Variants in VIL1 observed in about 807,000 individuals in gnomAD.
The protein encoded by VIL1 is villin 1, also known as villin-1.
VIL1 carries 86 observed loss-of-function variants against 104.0 expected under a neutral mutation model. That is an observed-to-expected ratio of 0.83 (90% confidence interval 0.69 to 0.99). The LOEUF (loss-of-function observed/expected upper bound fraction) is 0.99. Among genes scored for constraint, VIL1 ranks in the 50% least tolerant of loss-of-function variants. The pLI, the probability that VIL1 is intolerant of heterozygous loss-of-function variation, is 0.00. For missense variants in VIL1, 944 were observed against 1,054.1 expected (o/e 0.90, Z 1.45); for synonymous variants, 394 against 412.6 (o/e 0.95, Z 0.55).
chr2:218,435,974 G>A (rs1316813190), intron 15 of VIL1, among the ~76,000 whole-genome samples: 1 of 152,066 alleles, frequency 6.6e-6, no homozygotes, highest in African/African-American at 2.4e-5. Context: ...GCGTAGCTGA[G>A]ATTACAGGCG....
intron 4 of VIL1, among the ~76,000 whole-genome samples, chr2:218,426,445 G>T (rs915357405): frequency 6.6e-6 from 1 of 151,754 alleles, no homozygotes; most frequent in Non-Finnish European, 1.5e-5. Flanking sequence ...AGTAGAGACA[G>T]GGTTTCACCA....
At chr2:218,431,763 G>T in intron 10 of VIL1, 94 bp from the exon 11 acceptor site, 3 of 1,044,344 alleles carry the variant, frequency 2.9e-6, no homozygotes, top group East Asian at 2.6e-5. Flanking sequence ...ATCTGAAAAT[G>T]AGTCTAAGAA....
At chr2:218,434,835 T>C (rs2106394207) in intron 14 of VIL1, 130 bp downstream of exon 14, 1 of 967,888 alleles carries the variant, frequency 1.0e-6, no homozygotes, top group East Asian at 2.7e-5. Context: ...CTCAGCCGCC[T>C]CTGGAGCCCA....
chr2:218,430,637 CTGGTT>C, intron 9 of VIL1, 83 bp from the exon 10 acceptor site: 1 of 1,476,336 alleles, frequency 6.8e-7, no homozygotes, highest in Admixed American at 2.4e-5. Flanking sequence ...GATGGTGGAT[CTGGTT>C]AGGTTAGAGC....
At chr2:218,429,187 G>A in intron 6 of VIL1, 98 bp from the exon 7 acceptor site, 1 of 1,384,492 alleles carries the variant, frequency 7.2e-7, no homozygotes, top group Non-Finnish European at 9.9e-7. Flanking sequence ...CCCTGTGGCT[G>A]CTGTAGGTGG....
At position 218,424,284 on chromosome 2, in the gene VIL1, A is replaced by G; in HGVS notation, c.83A>G (p.Gln28Arg). Reference protein sequence around the residue: ...GLQIWRIEAMQMVPVPSSTFG... With the variant: ...GLQIWRIEAMRMVPVPSSTFG... ...CCCTCTTTCTCTCCTTAGGCCATGC[A>G]GATGGTGCCTGTTCCTTCCAGCACC... Residue 28 changes from glutamine (Q) to arginine (R), a missense_variant, in exon 3 of 20, where the codon CAG becomes CGG. Coordinates refer to ENST00000248444, the MANE Select transcript of VIL1 (RefSeq NM_007127.3). The G allele has an allele frequency of 6.2e-7, 1 of 1,613,984 alleles. No homozygotes were observed. The highest frequency in any genetic ancestry group is 1.1e-5 in the South Asian group (1 of 91,082).
Position 218,429,278 on chromosome 2 carries a change from C to T in VIL1, c.568-7C>T. ...CTCCCGATGGGTCACCAGGGGCCTT[C>T]CTGCAGGGCATGACTCTGGCCAAGG... On this transcript the variant is annotated splice_region_variant and splice_polypyrimidine_tract_variant and intron_variant, in intron 6 of 19. Coordinates refer to ENST00000248444, the MANE Select transcript of VIL1 (RefSeq NM_007127.3). The T allele has an allele frequency of 6.2e-7, 1 of 1,608,088 alleles. No homozygotes were observed. Among genetic ancestry groups the T allele is most frequent in the Non-Finnish European group, 8.5e-7 (1 of 1,176,150 alleles).
chr2:218,425,738 C>A lies in VIL1; in HGVS notation c.274C>A (p.Arg92=), dbSNP rs201270409. 6.2e-7 allele frequency: 1 copy of A among 1,614,140 alleles called. No individual in the cohort carries two copies. The highest frequency in any genetic ancestry group is 1.3e-5 in the African/African-American group (1 of 75,040). ...ACAGATGGATGACTTCCTGAAGGGC[C>A]GGGCTGTGCAGCACCGCGAGGTCCA... is the stretch of plus-strand genomic sequence containing the variant. ...TTQMDDFLKG[R]AVQHREVQGN... is the part of the protein sequence containing the mutation. The change falls in exon 4 of 20, where the codon CGG becomes AGG. Residue 92 remains arginine (R), a synonymous_variant. Transcript: ENST00000248444.
chr2:218,426,369 C>T (rs1002639352), intron 4 of VIL1, among the ~76,000 whole-genome samples: 1 of 152,112 alleles, frequency 6.6e-6, no homozygotes, highest in Non-Finnish European at 1.5e-5. Context: ...ATTCTCATGC[C>T]TCAGCCTCCC....
chr2:218,440,694 TA>T (rs1359177552), intron 18 of VIL1, 27 bp from the exon 19 acceptor site: 1 of 1,613,214 alleles, frequency 6.2e-7, no homozygotes, highest in Admixed American at 1.7e-5. Flanking sequence ...CCAGCTAAAG[TA>T]ACCAGTGGTT....
At position 218,428,089 on chromosome 2, in the gene VIL1, T is replaced by C. The variant is rs1477669441; in HGVS notation, c.456+16T>C. On this transcript the variant is annotated intron_variant, in intron 5 of 19. Transcript: ENST00000248444. ...AGCTGGAGAGGTAGGCAGGCCCCAC[T>C]GGAGCATCGGCCAGGGCTGTGAGGC... The C allele has an allele frequency of 1.9e-6, 3 of 1,613,102 alleles. No homozygotes were observed. The Admixed American group carries it at 5.0e-5, about 27-fold the overall frequency.
rs774846980 is a variant in VIL1 at position 218,429,332 on chromosome 2, C to T, written c.615C>T (p.Arg205=). 4.1e-5 allele frequency: 66 copies of T among 1,613,972 alleles called. No individual in the cohort carries two copies. The highest frequency in any genetic ancestry group is 5.3e-5 in the Non-Finnish European group (63 of 1,180,034). The change falls in exon 7 of 20, where the codon CGC becomes CGT. Residue 205 remains arginine, a synonymous_variant. Transcript: ENST00000248444. The part of the protein sequence containing the change: ...KEIRDQERGG[R]TYVGVVDGEN... ...TCCGAGACCAGGAGCGGGGAGGGCG[C>T]ACCTATGTAGGCGTGGTGGACGGAG... is the stretch of plus-strand genomic sequence containing the variant.
chr2:218,427,297 G>T (rs374927515), intron 4 of VIL1, among the ~76,000 whole-genome samples: 1 of 150,954 alleles, frequency 6.6e-6, no homozygotes, highest in East Asian at 2.0e-4. Flanking sequence ...CTGTCCTCAG[G>T]ATTCTGTCCC....
intron 19 of VIL1, among the ~76,000 whole-genome samples, chr2:218,447,827 A>G (rs376453470): frequency 9.9e-5 from 15 of 152,122 alleles, no homozygotes; most frequent in Middle Eastern, 3.4e-3. Flanking sequence ...TCCTGGGTTC[A>G]AGCAATTCTC....
intron 19 of VIL1, among the ~76,000 whole-genome samples, chr2:218,441,495 G>A (rs1272707970): frequency 6.6e-6 from 1 of 152,148 alleles, no homozygotes; most frequent in Non-Finnish European, 1.5e-5. Context: ...TCTGGAGAAG[G>A]GACAGCTAAC....
At position 218,432,863 on chromosome 2, in the gene VIL1, A is replaced by G. The variant is rs1689123890; in HGVS notation, c.1412A>G (p.Asn471Ser). ...GCCGTCATCCTGGACCAGAAGTACA[A>G]TGGTGAACCAGTCCAGATCCGGGTC... ...YQAVILDQKY[N>S]GEPVQIRVPM... Residue 471 changes from asparagine to serine, a missense_variant, in exon 13 of 20, where the codon AAT becomes AGT. Transcript: ENST00000248444. 1.2e-6 allele frequency: 2 copies of G among 1,614,112 alleles called. No individual in the cohort carries two copies. Among genetic ancestry groups the G allele is most frequent in the African/African-American group, 1.3e-5 (1 of 74,938 alleles).
intron 19 of VIL1, among the ~76,000 whole-genome samples, chr2:218,442,024 C>T (rs1306010729): frequency 6.6e-6 from 1 of 152,000 alleles, no homozygotes; most frequent in African/African-American, 2.4e-5. Context: ...AGCTTCTCAT[C>T]GAACAATAGC....
chr2:218,438,424 G>GCC, intron 17 of VIL1, among the ~76,000 whole-genome samples: 1 of 152,228 alleles, frequency 6.6e-6, no homozygotes, highest in Admixed American at 6.5e-5. Context: ...AGGCTGAGCT[G>GCC]GGACAAATAT....
intron 19 of VIL1, among the ~76,000 whole-genome samples, chr2:218,447,740 G>GTT (rs71403038): frequency 2.7e-5 from 4 of 148,540 alleles, no homozygotes; most frequent in South Asian, 2.1e-4. Flanking sequence ...ACTTTGTTTT[G>GTT]TTTTTTTTTT....
Sources: gnomAD v4.1 joint callset for allele counts (sites outside exome capture counted in the v4.1 genomes callset) on GRCh38, gnomAD v4.1.1 for gene constraint, MANE v1.5 for transcripts, NCBI Gene and HGNC (gene_info 2026-07-23, HGNC 2026-07-21) for gene names.